LOC128125817: variants seen among roughly 807,000 people sequenced by gnomAD.
the LOC128125817 span, among the ~76,000 whole-genome samples, chr1:41,585,982 A>G: frequency 2.0e-5 from 3 of 152,156 alleles, no homozygotes; most frequent in Admixed American, 6.5e-5. Context: ...ACCCCAGCCC[A>G]TGTTTGAAGA....
the LOC128125817 span, among the ~76,000 whole-genome samples, chr1:41,608,324 C>A: frequency 6.6e-6 from 1 of 152,220 alleles, no homozygotes; most frequent in Admixed American, 6.5e-5. Flanking sequence ...TGCTATACTT[C>A]ACCCTGAGAC....
At chr1:41,627,571 C>A in the LOC128125817 span, among the ~76,000 whole-genome samples, 1 of 152,168 alleles carries the variant, frequency 6.6e-6, no homozygotes, top group African/African-American at 2.4e-5. Context: ...CTAGCCACCC[C>A]GAAGTCCAGG....
chr1:41,609,972 C>G, the LOC128125817 span, among the ~76,000 whole-genome samples: 1 of 152,330 alleles, frequency 6.6e-6, no homozygotes, highest in African/African-American at 2.4e-5. Context: ...TATGAGTGAG[C>G]CTCATCCACT....
chr1:41,588,214 G>A, the LOC128125817 span, among the ~76,000 whole-genome samples: 1 of 152,168 alleles, frequency 6.6e-6, no homozygotes, highest in Non-Finnish European at 1.5e-5. Flanking sequence ...TGATGGAGAG[G>A]CCTTTGGGTG....
chr1:41,618,144 G>A, the LOC128125817 span, among the ~76,000 whole-genome samples: 1 of 152,234 alleles, frequency 6.6e-6, no homozygotes, highest in African/African-American at 2.4e-5. Context: ...TGGACACAAT[G>A]CTCAATGAGG....
chr1:41,613,096 C>T, the LOC128125817 span, among the ~76,000 whole-genome samples: 4 of 152,238 alleles, frequency 2.6e-5, no homozygotes, highest in Admixed American at 6.5e-5. Context: ...GCACTGGGCG[C>T]GGAGTCAGCC....
chr1:41,611,975 G>T, the LOC128125817 span, among the ~76,000 whole-genome samples: 1 of 151,948 alleles, frequency 6.6e-6, no homozygotes, highest in Non-Finnish European at 1.5e-5. Flanking sequence ...CTTCTTGATG[G>T]CCCAGGCTTT....
chr1:41,589,195 C>G, the LOC128125817 span, among the ~76,000 whole-genome samples: 2 of 152,180 alleles, frequency 1.3e-5, no homozygotes, highest in Non-Finnish European at 1.5e-5. Flanking sequence ...GGCCCAGGAG[C>G]TGGGCCAACA....
At chr1:41,598,247 G>A in the LOC128125817 span, among the ~76,000 whole-genome samples, 1 of 152,196 alleles carries the variant, frequency 6.6e-6, no homozygotes, top group Non-Finnish European at 1.5e-5. Flanking sequence ...GCAGTGGCCT[G>A]ATCTCTTGTC....
the LOC128125817 span, among the ~76,000 whole-genome samples, chr1:41,627,128 G>A: frequency 6.6e-6 from 1 of 152,338 alleles, no homozygotes; most frequent in East Asian, 1.9e-4. Context: ...CATGCAGATG[G>A]CACAGGGCTG....
At chr1:41,618,973 GTCACA>G in the LOC128125817 span, among the ~76,000 whole-genome samples, 1 of 152,200 alleles carries the variant, frequency 6.6e-6, no homozygotes, top group Non-Finnish European at 1.5e-5. Context: ...CTCCTGATCT[GTCACA>G]TCACTGCCTC....
At chr1:41,628,394 T>G in the LOC128125817 span, among the ~76,000 whole-genome samples, 1 of 152,126 alleles carries the variant, frequency 6.6e-6, no homozygotes, top group African/African-American at 2.4e-5. Context: ...GAGCACACAG[T>G]TGGACTGGCT....
the LOC128125817 span, among the ~76,000 whole-genome samples, chr1:41,599,948 C>T: frequency 1.3e-5 from 2 of 152,010 alleles, no homozygotes; most frequent in Non-Finnish European, 2.9e-5. Context: ...TACAAATGGC[C>T]AAGAAGCACG....
At chr1:41,590,399 G>T in the LOC128125817 span, among the ~76,000 whole-genome samples, 1 of 152,188 alleles carries the variant, frequency 6.6e-6, no homozygotes, top group Non-Finnish European at 1.5e-5. Flanking sequence ...AGCTAGTTCT[G>T]GCCAATGATG....
At chr1:41,595,509 C>T in the LOC128125817 span, among the ~76,000 whole-genome samples, 1 of 152,084 alleles carries the variant, frequency 6.6e-6, no homozygotes, top group African/African-American at 2.4e-5. Context: ...AGTCAGCATA[C>T]CCTTGTTTGA....
the LOC128125817 span, among the ~76,000 whole-genome samples, chr1:41,613,050 A>T: frequency 1.3e-5 from 2 of 152,242 alleles, no homozygotes; most frequent in Non-Finnish European, 2.9e-5. Context: ...AGGGCAGAGG[A>T]TTCCCTGGGC....
the LOC128125817 span, among the ~76,000 whole-genome samples, chr1:41,604,649 C>T: frequency 6.6e-6 from 1 of 152,236 alleles, no homozygotes; most frequent in East Asian, 1.9e-4. Context: ...ATGTCAGCAC[C>T]CTGATCTTAG....
the LOC128125817 span, among the ~76,000 whole-genome samples, chr1:41,590,580 G>T: frequency 6.6e-6 from 1 of 152,218 alleles, no homozygotes; most frequent in Non-Finnish European, 1.5e-5. Flanking sequence ...GTGAAGCAAA[G>T]CCACCTGCCC....
At chr1:41,599,447 A>T in the LOC128125817 span, among the ~76,000 whole-genome samples, 1 of 152,246 alleles carries the variant, frequency 6.6e-6, no homozygotes, top group Non-Finnish European at 1.5e-5. Context: ...CTTCTGTTCA[A>T]CAAAGACTCT....
Sources: gnomAD v4.1 joint callset for allele counts (sites outside exome capture counted in the v4.1 genomes callset) on GRCh38, gnomAD v4.1.1 for gene constraint, MANE v1.5 for transcripts.